Variants in CTPS2 observed in about 807,000 individuals in gnomAD.
CTPS2 encodes CTP synthase 2.
In CTPS2, 19 loss-of-function variants were observed where a neutral mutation model predicts 46.8. The observed-to-expected ratio is 0.41, with a 90% CI of 0.28 to 0.60. The LOEUF is 0.60. CTPS2 is among the 20% of genes least tolerant of loss of function. The probability of loss-of-function intolerance (pLI) is 0.35; values close to 1 mark genes in which losing one functional copy is unlikely to be tolerated. For synonymous variants in CTPS2, 151 were observed against 165.2 expected (o/e 0.91, Z 0.66); for missense variants, 286 against 447.6 (o/e 0.64, Z 3.26).
chrX:16,632,490 C>T (rs1211339667), intron 14 of CTPS2, among the ~76,000 whole-genome samples: 2 of 107,742 alleles, frequency 1.9e-5, no homozygotes, highest in Non-Finnish European at 3.8e-5. Flanking sequence ...GGCATGATCT[C>T]GGCTCACTGC....
At chrX:16,659,035 G>A (rs60011107) in intron 13 of CTPS2, among the ~76,000 whole-genome samples, 1,838 of 111,906 alleles carry the variant, frequency 0.016, 40 homozygotes, top group African/African-American at 0.057. Context: ...TATTTTATTT[G>A]AGATTTTTCA....
intron 17 of CTPS2, among the ~76,000 whole-genome samples, chrX:16,601,033 C>T (rs1413918598): frequency 9.0e-6 from 1 of 111,350 alleles, no homozygotes; most frequent in African/African-American, 3.3e-5. Context: ...AGCATCTACC[C>T]TACTTGTCAA....
At chrX:16,673,123 T>G (rs1921920034) in intron 10 of CTPS2, among the ~76,000 whole-genome samples, 1 of 109,012 alleles carries the variant, frequency 9.2e-6, no homozygotes. Flanking sequence ...CCTGACCTCG[T>G]GATCCGCCCG....
chrX:16,632,483 A>G (rs1249339670), intron 14 of CTPS2, among the ~76,000 whole-genome samples: 2 of 107,186 alleles, frequency 1.9e-5, no homozygotes, highest in Non-Finnish European at 3.8e-5. Flanking sequence ...GTGCAGTGGC[A>G]TGATCTCGGC....
intron 14 of CTPS2, among the ~76,000 whole-genome samples, chrX:16,633,455 C>A (rs1235061153): frequency 9.0e-6 from 1 of 111,565 alleles, no homozygotes; most frequent in African/African-American, 3.3e-5. Context: ...TTATTTCATG[C>A]CACATGAAAA....
Position 16,693,141 on chromosome X carries a change from C to T in CTPS2, c.639G>A (p.Leu213=), listed in dbSNP as rs1325357811. 2 of 1,196,228 alleles carry T rather than the reference C, an allele frequency of 1.7e-6. No homozygotes were observed. The highest frequency in any genetic ancestry group is 2.3e-6 in the Non-Finnish European group (2 of 884,076). ...GACTTACCCACTGTCCTCAACTCAC[C>T]AGATCTGGAGACAGGCCTAAACCCC... ...ALRGLGLSPD[L]IVCRSSTPIE... is the part of the protein sequence containing the mutation. Residue 213 remains leucine, a splice_region_variant and synonymous_variant, in exon 6 of 19, where the codon CTG becomes CTA. Coordinates refer to ENST00000359276, the MANE Select transcript of CTPS2 (RefSeq NM_175859.3).
At chrX:16,690,511 G>C (rs1456884570) in intron 7 of CTPS2, among the ~76,000 whole-genome samples, 1 of 111,455 alleles carries the variant, frequency 9.0e-6, no homozygotes, top group Non-Finnish European at 1.9e-5. Context: ...ATCAGGCAGG[G>C]GGCTCTCCAT....
chrX:16,690,136 T>C (rs924214590), intron 7 of CTPS2, among the ~76,000 whole-genome samples: 41 of 108,342 alleles, frequency 3.8e-4, no homozygotes, highest in African/African-American at 1.2e-3. Context: ...TTTTGGAGGC[T>C]GAGGCAGGCG....
chrX:16,598,546 T>C (rs1384872432), intron 17 of CTPS2, among the ~76,000 whole-genome samples: 2 of 111,630 alleles, frequency 1.8e-5, no homozygotes, highest in African/African-American at 3.3e-5. Flanking sequence ...TAACAGGAGC[T>C]GAAATTGTGG....
At chrX:16,599,476 C>CTTTTTTTTTTTTTTTTTTTTT (rs56794396) in intron 17 of CTPS2, among the ~76,000 whole-genome samples, 2 of 86,190 alleles carry the variant, frequency 2.3e-5, no homozygotes, top group African/African-American at 4.5e-5. Context: ...TCTTTTTTTT[C>CTTTTTTTTTTTTTTTTTTTTT]TTTTTTTTTT....
chrX:16,628,950 G>C (rs923623727), intron 14 of CTPS2, among the ~76,000 whole-genome samples: 8 of 111,916 alleles, frequency 7.1e-5, no homozygotes, highest in Non-Finnish European at 3.8e-5. Flanking sequence ...TTCTGTGCCA[G>C]GCACTGTTCT....
chrX:16,595,213 A>G (rs748578469), intron 17 of CTPS2, among the ~76,000 whole-genome samples: 2 of 111,913 alleles, frequency 1.8e-5, no homozygotes, highest in Admixed American at 9.5e-5. Flanking sequence ...GGGAAGAATT[A>G]TCATATATTA....
chrX:16,625,522 C>T (rs762876206), intron 14 of CTPS2, among the ~76,000 whole-genome samples: 2 of 111,749 alleles, frequency 1.8e-5, no homozygotes, highest in Admixed American at 9.5e-5. Context: ...CCTGTGACTC[C>T]GGAAACTCCA....
intron 16 of CTPS2, among the ~76,000 whole-genome samples, chrX:16,612,865 GT>G (rs1410816581): frequency 8.9e-6 from 1 of 112,250 alleles, no homozygotes; most frequent in Admixed American, 9.5e-5. Flanking sequence ...CCTCTGTAAA[GT>G]GGGAATAGCA....
intron 13 of CTPS2, among the ~76,000 whole-genome samples, chrX:16,642,958 C>T (rs1202146190): frequency 4.5e-5 from 5 of 112,103 alleles, no homozygotes; most frequent in Non-Finnish European, 9.4e-5. Context: ...TAAATACTGG[C>T]TGTCATCTGA....
intron 8 of CTPS2, among the ~76,000 whole-genome samples, chrX:16,684,367 G>A (rs1922980414): frequency 9.2e-6 from 1 of 108,682 alleles, no homozygotes; most frequent in Admixed American, 9.9e-5. Flanking sequence ...AAATTAGCTG[G>A]GCGTGGTGGT....
rs141644071 is a variant in CTPS2 at position 16,660,569 on chromosome X, T to C, written c.1296+6945A>G. Among the ~76,000 whole-genome samples, 365 of 110,669 alleles carry C rather than the reference T, an allele frequency of 3.3e-3. 2 individuals are homozygous for C. The highest frequency in any genetic ancestry group is 0.011 in the African/African-American group (342 of 30,401). ...GGCACGTGCCACCATGCGCAGCTAA[T>C]TTTTTTGTTTTTAGTAGAGACAGGA... On this transcript the variant is annotated intron_variant, in intron 13 of 18. Transcript: ENST00000359276.
At chrX:16,704,384 A>G (rs754446312) in intron 1 of CTPS2, among the ~76,000 whole-genome samples, 140 of 112,457 alleles carry the variant, frequency 1.2e-3, no homozygotes, top group Non-Finnish European at 2.2e-3. Context: ...AGTGCATATT[A>G]CCAAGTGAAA....
chrX:16,676,740 C>T (rs1006805023), intron 10 of CTPS2, among the ~76,000 whole-genome samples: 12 of 111,246 alleles, frequency 1.1e-4, no homozygotes, highest in African/African-American at 3.6e-4. Context: ...GTGAAACAAT[C>T]AGTGATCTGT....
Sources: gnomAD v4.1 joint callset for allele counts (sites outside exome capture counted in the v4.1 genomes callset) on GRCh38, gnomAD v4.1.1 for gene constraint, MANE v1.5 for transcripts, NCBI Gene and HGNC (gene_info 2026-07-23, HGNC 2026-07-21) for gene names.